Variants in TIMD4 observed in about 807,000 individuals in gnomAD.
The protein encoded by TIMD4 is T-cell immunoglobulin and mucin domain-containing protein 4.
TIMD4 carries 31 observed loss-of-function variants against 41.2 expected under a neutral mutation model. The observed-to-expected ratio is 0.75, with a 90% CI of 0.57 to 1.01. TIMD4 has a LOEUF of 1.01. Ranked by LOEUF, TIMD4 falls within the 50% of genes least tolerant of loss-of-function variation. TIMD4 has a pLI of 0.00. For missense variants in TIMD4, 479 were observed against 472.5 expected, an observed-to-expected ratio of 1.01 and a Z score of -0.13; for synonymous variants, 204 against 177.1, an observed-to-expected ratio of 1.15 and a Z score of -1.21.
chr5:156,955,929 C>T (rs1317976120), intron 1 of TIMD4, among the ~76,000 whole-genome samples: 1 of 152,198 alleles, frequency 6.6e-6, no homozygotes, highest in African/African-American at 2.4e-5. Flanking sequence ...AAGATTCAAT[C>T]AAGCTAATTA....
chr5:156,943,818 A>G (rs1975026), intron 5 of TIMD4, among the ~76,000 whole-genome samples: 134,114 of 151,398 alleles, frequency 0.89, 59,583 homozygotes, highest in East Asian at 0.99. Flanking sequence ...TTGGGAGGCC[A>G]AGGCAGGTGG....
At chr5:156,947,161 G>T (rs1278817786) in intron 5 of TIMD4, among the ~76,000 whole-genome samples, 1 of 151,662 alleles carries the variant, frequency 6.6e-6, no homozygotes, top group African/African-American at 2.4e-5. Flanking sequence ...TCGCACCACT[G>T]CACTCCAACT....
At chr5:156,944,802 G>A (rs1403924957) in intron 5 of TIMD4, among the ~76,000 whole-genome samples, 2 of 152,084 alleles carry the variant, frequency 1.3e-5, no homozygotes, top group Non-Finnish European at 2.9e-5. Flanking sequence ...ACTGTGCCTG[G>A]CCTCCCAAAG....
At chr5:156,932,650 C>T (rs1472034888) in intron 5 of TIMD4, among the ~76,000 whole-genome samples, 1 of 152,132 alleles carries the variant, frequency 6.6e-6, no homozygotes, top group Non-Finnish European at 1.5e-5. Context: ...ATAGGAGAAC[C>T]TCACTGCACT....
intron 7 of TIMD4, among the ~76,000 whole-genome samples, chr5:156,921,551 C>T (rs148127285): frequency 6.2e-5 from 8 of 129,640 alleles, no homozygotes; most frequent in East Asian, 2.6e-4. Context: ...ACCCAGGAGG[C>T]GGAGGTGCAG....
chr5:156,930,798 C>A (rs1759432264), intron 5 of TIMD4, among the ~76,000 whole-genome samples: 1 of 152,200 alleles, frequency 6.6e-6, no homozygotes, highest in South Asian at 2.1e-4. Context: ...AAGAAGGAGT[C>A]ATTCATCTCT....
At chr5:156,955,040 G>A (rs1759945911) in intron 1 of TIMD4, among the ~76,000 whole-genome samples, 1 of 152,064 alleles carries the variant, frequency 6.6e-6, no homozygotes, top group Non-Finnish European at 1.5e-5. Context: ...AGCATTCCCA[G>A]CTAATTTTTG....
intron 5 of TIMD4, among the ~76,000 whole-genome samples, chr5:156,943,463 C>T (rs1759681641): frequency 6.6e-6 from 1 of 152,090 alleles, no homozygotes; most frequent in Non-Finnish European, 1.5e-5. Context: ...TAATCAGGAG[C>T]CTTTGCACTC....
At chr5:156,943,789 CA>C (rs1334542808) in intron 5 of TIMD4, among the ~76,000 whole-genome samples, 1 of 151,950 alleles carries the variant, frequency 6.6e-6, no homozygotes, top group Non-Finnish European at 1.5e-5. Context: ...CAGAGGCTCA[CA>C]CCTGTAATCC....
intron 5 of TIMD4, among the ~76,000 whole-genome samples, chr5:156,941,264 T>C (rs1487707061): frequency 2.0e-5 from 3 of 152,154 alleles, no homozygotes; most frequent in Non-Finnish European, 4.4e-5. Context: ...TATTGTCCTA[T>C]GACCCTGCCA....
chr5:156,926,204 A>G, intron 6 of TIMD4, 59 bp downstream of exon 6: 1 of 1,580,996 alleles, frequency 6.3e-7, no homozygotes, highest in South Asian at 1.1e-5. Flanking sequence ...GTGCCTGGCC[A>G]CTACTGTGGA....
At chr5:156,938,434 G>A (rs1759579060) in intron 5 of TIMD4, among the ~76,000 whole-genome samples, 1 of 152,114 alleles carries the variant, frequency 6.6e-6, no homozygotes, top group African/African-American at 2.4e-5. Flanking sequence ...TAAGTTCCCT[G>A]TGATTCCAGC....
chr5:156,956,142 C>A (rs1274103262), intron 1 of TIMD4, among the ~76,000 whole-genome samples: 1 of 152,046 alleles, frequency 6.6e-6, no homozygotes, highest in African/African-American at 2.4e-5. Flanking sequence ...CACCCACTCA[C>A]CCACCCCCCA....
intron 5 of TIMD4, among the ~76,000 whole-genome samples, chr5:156,941,966 G>A (rs1162929275): frequency 1.3e-5 from 2 of 152,090 alleles, no homozygotes; most frequent in Non-Finnish European, 2.9e-5. Flanking sequence ...AAAATAAAAA[G>A]ATACAGTAAT....
Position 156,954,579 on chromosome 5 carries a change from C to T in TIMD4, c.236G>A (p.Arg79Lys), listed in dbSNP as rs1330523964. The T allele has an allele frequency of 1.9e-6, 3 of 1,614,260 alleles. No homozygotes were observed. Among genetic ancestry groups the T allele is most frequent in the Non-Finnish European group, 2.5e-6 (3 of 1,180,042 alleles). ...IRTDGMRVTS[R>K]KSAKYRLQGT... ...CTGAAGTCTATATTTTGCTGACTTT[C>T]TTGAGGTCACCCTCATTCCATCAGT... is the stretch of plus-strand genomic sequence containing the variant. Residue 79 changes from arginine to lysine, a missense_variant, in exon 2 of 9, where the codon AGA becomes AAA. Physicochemically the swap from Arg to Lys is conservative, Grantham distance 26. Coordinates refer to ENST00000274532, the MANE Select transcript of TIMD4 (RefSeq NM_138379.3).
Position 156,946,602 on chromosome 5 carries a change from G to A in TIMD4, c.844+1814C>T, listed in dbSNP as rs540093164. Among the ~76,000 whole-genome samples the A allele has an allele frequency of 3.3e-5, 5 of 151,516 alleles. No individual in the cohort carries two copies. In the East Asian group the frequency reaches 7.8e-4, roughly 24 times the overall value. The stretch of plus-strand genomic sequence containing the variant: ...CGCCATTCTCCTGCCTCAGCCTCTC[G>A]AGTAGCTAGGACTACGGGCGCCCGC... On this transcript the variant is annotated intron_variant, in intron 5 of 8. Transcript: ENST00000274532.
chr5:156,940,050 C>A (rs1262712056), intron 5 of TIMD4, among the ~76,000 whole-genome samples: 1 of 152,260 alleles, frequency 6.6e-6, no homozygotes, highest in Non-Finnish European at 1.5e-5. Flanking sequence ...TCACTGCAAC[C>A]TCCCTGCCTG....
intron 5 of TIMD4, among the ~76,000 whole-genome samples, chr5:156,928,278 CAG>C (rs1033608378): frequency 3.4e-5 from 5 of 148,790 alleles, no homozygotes; most frequent in Non-Finnish European, 7.4e-5. Flanking sequence ...AGCCTGGCAA[CAG>C]AGAGAGACTC....
At chr5:156,925,869 T>C (rs1417573756) in intron 6 of TIMD4, among the ~76,000 whole-genome samples, 1 of 152,220 alleles carries the variant, frequency 6.6e-6, no homozygotes, top group Non-Finnish European at 1.5e-5. Flanking sequence ...AGTCCATCTC[T>C]GCAAACCTCT....
Sources: gnomAD v4.1 joint callset for allele counts (sites outside exome capture counted in the v4.1 genomes callset) on GRCh38, gnomAD v4.1.1 for gene constraint, MANE v1.5 for transcripts, NCBI Gene and HGNC (gene_info 2026-07-23, HGNC 2026-07-21) for gene names.